The following CFAP47 variants were observed in gnomAD, a reference collection of about 807,000 sequenced individuals.
The protein encoded by CFAP47 is cilia- and flagella-associated protein 47.
Under a neutral mutation model 148.1 loss-of-function variants are expected in CFAP47, and 29 were observed. That is an observed-to-expected ratio of 0.20 (90% CI 0.15 to 0.27). The LOEUF (loss-of-function observed/expected upper bound fraction) is 0.27, where lower values mean the gene tolerates loss of function less well. CFAP47 is among the 10% of genes least tolerant of loss of function. The probability of loss-of-function intolerance (pLI) is 1.00; values close to 1 mark genes in which losing one functional copy is unlikely to be tolerated. For missense variants in CFAP47, 1,872 were observed against 1,697.5 expected, an observed-to-expected ratio of 1.10 and a Z score of -1.81; for synonymous variants, 664 against 577.3, an observed-to-expected ratio of 1.15 and a Z score of -2.15.
intron 36 of CFAP47, among the ~76,000 whole-genome samples, chrX:36,147,136 A>G (rs1939247364): frequency 8.9e-6 from 1 of 112,304 alleles, no homozygotes; most frequent in African/African-American, 3.2e-5. Context: ...GTGAAAAAAC[A>G]TAGAGTGCAG....
intron 26 of CFAP47, among the ~76,000 whole-genome samples, chrX:36,062,961 T>C (rs1184535135): frequency 2.7e-5 from 3 of 112,269 alleles, no homozygotes; most frequent in Non-Finnish European, 5.6e-5. Context: ...GTATTACTTA[T>C]AACAGGAAAC....
intron 5 of CFAP47, 81 bp from the exon 6 acceptor site, chrX:35,951,722 T>C (rs1040010564): frequency 5.3e-5 from 51 of 954,610 alleles, no homozygotes; most frequent in Non-Finnish European, 5.2e-5. Context: ...TTCTGGAATT[T>C]CAATAATTAT....
intron 49 of CFAP47, among the ~76,000 whole-genome samples, chrX:36,270,634 A>G (rs1192480522): frequency 9.6e-6 from 1 of 103,998 alleles, no homozygotes; most frequent in Non-Finnish European, 1.9e-5. Flanking sequence ...TAGTATATAT[A>G]TAATATAGTG....
chrX:36,329,091 G>A (rs1433621175), intron 57 of CFAP47, among the ~76,000 whole-genome samples: 1 of 111,042 alleles, frequency 9.0e-6, no homozygotes, highest in African/African-American at 3.3e-5. Flanking sequence ...TATTTGCATC[G>A]GCTCAGTGTA....
intron 35 of CFAP47, chrX:36,144,949 T>A: frequency 1.4e-6 from 1 of 738,544 alleles, no homozygotes; most frequent in Non-Finnish European, 1.8e-6. Context: ...GCCATGCTTC[T>A]GGCTTCCCTG....
intron 49 of CFAP47, among the ~76,000 whole-genome samples, chrX:36,275,012 C>G (rs1940999370): frequency 9.0e-6 from 1 of 111,570 alleles, no homozygotes; most frequent in East Asian, 2.8e-4. Flanking sequence ...TCCTTCTATT[C>G]CTAGTTTATT....
intron 23 of CFAP47, among the ~76,000 whole-genome samples, chrX:36,033,466 AAGAT>A (rs1276626941): frequency 1.3e-4 from 15 of 111,801 alleles, no homozygotes; most frequent in Non-Finnish European, 3.8e-5. Flanking sequence ...TAAGATATAG[AAGAT>A]AGATAGTATT....
chrX:36,010,462 G>GTT (rs767014835), intron 21 of CFAP47, among the ~76,000 whole-genome samples: 2 of 97,470 alleles, frequency 2.1e-5, no homozygotes, highest in Admixed American at 1.1e-4. Flanking sequence ...AAGTTTTGTC[G>GTT]TTTTTTTTTT....
intron 33 of CFAP47, among the ~76,000 whole-genome samples, chrX:36,128,942 A>AT (rs199721010): frequency 0.12 from 12,930 of 108,459 alleles, 804 homozygotes; most frequent in East Asian, 0.28. Context: ...CTACCATTTT[A>AT]TTTTTTTTAA....
chrX:36,062,288 G>A (rs954998127), intron 26 of CFAP47, among the ~76,000 whole-genome samples: 11 of 111,346 alleles, frequency 9.9e-5, no homozygotes, highest in African/African-American at 3.3e-4. Flanking sequence ...TATTTTGTGT[G>A]CTAATGGGAA....
chrX:35,984,688 C>G (rs1419286730), intron 15 of CFAP47, among the ~76,000 whole-genome samples: 1 of 111,759 alleles, frequency 8.9e-6, no homozygotes, highest in Non-Finnish European at 1.9e-5. Context: ...TTTTTGATTT[C>G]TCCTTAATTT....
intron 11 of CFAP47, 121 bp downstream of exon 11, chrX:35,971,044 TAAAAGC>T: frequency 3.9e-6 from 2 of 513,991 alleles, no homozygotes; most frequent in Non-Finnish European, 6.3e-6. Context: ...CAATACGTGA[TAAAAGC>T]AAAACACTGA....
chrX:35,940,270 C>T (rs1477337551), intron 2 of CFAP47, among the ~76,000 whole-genome samples: 1 of 111,242 alleles, frequency 9.0e-6, no homozygotes, highest in Non-Finnish European at 1.9e-5. Context: ...ATGGTAGTTT[C>T]TTCTGCTGTG....
chrX:36,202,042 G>A (rs1555988108), intron 44 of CFAP47, among the ~76,000 whole-genome samples: 2 of 110,765 alleles, frequency 1.8e-5, no homozygotes. Context: ...TTGGTAATTT[G>A]TAAAAACTGA....
intron 13 of CFAP47, among the ~76,000 whole-genome samples, chrX:35,973,555 A>G (rs773374108): frequency 9.0e-6 from 1 of 111,709 alleles, no homozygotes; most frequent in Admixed American, 9.6e-5. Context: ...GTATGTGTTT[A>G]TCTGTAGCAT....
intron 33 of CFAP47, among the ~76,000 whole-genome samples, chrX:36,122,617 T>C (rs1273599059): frequency 8.9e-6 from 1 of 112,088 alleles, no homozygotes; most frequent in Non-Finnish European, 1.9e-5. Flanking sequence ...ATGCCAACTG[T>C]ATGTTTCAGC....
At chrX:36,083,214 A>G (rs929945450) in intron 29 of CFAP47, among the ~76,000 whole-genome samples, 8 of 110,580 alleles carry the variant, frequency 7.2e-5, no homozygotes, top group African/African-American at 9.8e-5. Context: ...TTATATAAAT[A>G]CACACACATG....
chrX:36,328,816 CA>C (rs782618340), intron 57 of CFAP47, among the ~76,000 whole-genome samples: 334 of 56,429 alleles, frequency 5.9e-3, no homozygotes, highest in Non-Finnish European at 9.1e-3. Context: ...GACTCTGTCT[CA>C]AAAAAAAAAA....
intron 2 of CFAP47, among the ~76,000 whole-genome samples, chrX:35,940,146 GT>G (rs2146630655): frequency 9.0e-6 from 1 of 110,963 alleles, no homozygotes; most frequent in Admixed American, 9.6e-5. Context: ...GGGGTTGTTT[GT>G]TTTTTTCTTG....
Sources: allele counts gnomAD v4.1 joint callset (sites outside exome capture counted in the v4.1 genomes callset), GRCh38; gene constraint gnomAD v4.1.1; transcripts MANE v1.5; gene names NCBI Gene and HGNC (gene_info 2026-07-23, HGNC 2026-07-21).